Variants in TSHZ2 observed in about 807,000 individuals in gnomAD.
The protein encoded by TSHZ2 is teashirt homolog 2.
A neutral mutation model predicts 74.4 loss-of-function variants in TSHZ2; 21 were observed. The ratio of observed to expected loss-of-function variants is 0.28; its 90% CI spans 0.20 to 0.41. The LOEUF (loss-of-function observed/expected upper bound fraction) is 0.41. TSHZ2 is among the 10% of genes least tolerant of loss of function. The pLI, the probability that TSHZ2 is intolerant of heterozygous loss-of-function variation, is 1.00. For missense variants in TSHZ2, 1,244 were observed against 1,293.5 expected (o/e 0.96, Z 0.59); for synonymous variants, 540 against 515.3 (o/e 1.05, Z -0.65).
In TSHZ2 at chr20:52,975,143, A is replaced by G. The variant is rs551642044; in HGVS notation, c.40+1810A>G. ...GCCTGCTGCATCTAGTTCTGGCAAC[A>G]TAAGTTTAAGTGTAGCTACATTATT... On this transcript the variant is annotated intron_variant, in intron 1 of 2. Transcript: ENST00000371497. 1.9e-4 allele frequency among the ~76,000 whole-genome samples: 29 copies of G among 152,302 alleles called. 1 individual carries two copies. The highest frequency in any genetic ancestry group is 1.2e-3 in the South Asian group (6 of 4,814).
At chr20:53,433,603 A>ACACACACACACACACACT (rs1249339192) in intron 2 of TSHZ2, among the ~76,000 whole-genome samples, 1 of 151,204 alleles carries the variant, frequency 6.6e-6, no homozygotes, top group Non-Finnish European at 1.5e-5. Context: ...ACACACACAC[A>ACACACACACACACACACT]CACACACACA....
chr20:53,057,340 A>G (rs1253297816), intron 1 of TSHZ2, among the ~76,000 whole-genome samples: 1 of 152,208 alleles, frequency 6.6e-6, no homozygotes, highest in Non-Finnish European at 1.5e-5. Flanking sequence ...CCGAACTTGA[A>G]TCTGCAGTAC....
intron 2 of TSHZ2, among the ~76,000 whole-genome samples, chr20:53,309,337 C>T (rs1318117941): frequency 1.3e-5 from 2 of 152,138 alleles, no homozygotes; most frequent in Non-Finnish European, 2.9e-5. Context: ...TGTTTCTGCC[C>T]TCCCACCCCA....
chr20:53,080,871 G>C (rs1985513480), intron 1 of TSHZ2, among the ~76,000 whole-genome samples: 1 of 152,156 alleles, frequency 6.6e-6, no homozygotes, highest in South Asian at 2.1e-4. Context: ...CCAGCTATGA[G>C]TTTGGGATTG....
chr20:53,236,069 A>G (rs1383835137), intron 1 of TSHZ2, among the ~76,000 whole-genome samples: 1 of 152,170 alleles, frequency 6.6e-6, no homozygotes, highest in East Asian at 1.9e-4. Context: ...AAAGCAGTCA[A>G]TTCATAAAAG....
intron 1 of TSHZ2, among the ~76,000 whole-genome samples, chr20:53,118,150 G>C (rs1041169159): frequency 6.6e-6 from 1 of 152,230 alleles, no homozygotes; most frequent in African/African-American, 2.4e-5. Context: ...AAAGGAGCCA[G>C]ATGCCTCTGC....
intron 1 of TSHZ2, among the ~76,000 whole-genome samples, chr20:53,182,827 CTA>C (rs1988514643): frequency 6.6e-6 from 1 of 152,174 alleles, no homozygotes. Flanking sequence ...GGGATACAGC[CTA>C]TGTGTGTTCA....
intron 1 of TSHZ2, among the ~76,000 whole-genome samples, chr20:53,228,807 G>C (rs918845520): frequency 6.6e-6 from 1 of 152,174 alleles, no homozygotes; most frequent in African/African-American, 2.4e-5. Flanking sequence ...ATTGTCTCCA[G>C]ACTTTGTCAC....
intron 2 of TSHZ2, among the ~76,000 whole-genome samples, chr20:53,459,363 G>A (rs1475605531): frequency 6.6e-6 from 1 of 152,058 alleles, no homozygotes; most frequent in Admixed American, 6.5e-5. Context: ...TGTTTTATCA[G>A]AGACCAGGAT....
chr20:53,248,583 T>C (rs931359670), intron 1 of TSHZ2, among the ~76,000 whole-genome samples: 1 of 152,224 alleles, frequency 6.6e-6, no homozygotes, highest in African/African-American at 2.4e-5. Context: ...ATGTTGTTTA[T>C]AGTAGACCAG....
intron 1 of TSHZ2, among the ~76,000 whole-genome samples, chr20:53,202,640 C>T (rs1381714340): frequency 1.3e-5 from 2 of 152,114 alleles, no homozygotes; most frequent in African/African-American, 4.8e-5. Flanking sequence ...TGCAAATCAC[C>T]GTAGCATAGG....
At chr20:53,326,314 T>G (rs753634182) in intron 2 of TSHZ2, among the ~76,000 whole-genome samples, 3 of 152,186 alleles carry the variant, frequency 2.0e-5, no homozygotes, top group Non-Finnish European at 4.4e-5. Context: ...CAAAGGAACT[T>G]GGAGTGCTGA....
At chr20:53,130,245 G>GAAAGA (rs374311292) in intron 1 of TSHZ2, among the ~76,000 whole-genome samples, 45 of 125,752 alleles carry the variant, frequency 3.6e-4, no homozygotes, top group African/African-American at 9.2e-4. Context: ...AAAAAAAATA[G>GAAAGA]AAAGAAAAGA....
intron 2 of TSHZ2, among the ~76,000 whole-genome samples, chr20:53,284,466 AATG>A (rs960169538): frequency 6.6e-6 from 1 of 152,130 alleles, no homozygotes; most frequent in African/African-American, 2.4e-5. Flanking sequence ...CATGTTATCA[AATG>A]ATGATAAGTG....
At chr20:53,179,237 A>G (rs1406118771) in intron 1 of TSHZ2, 1 of 152,170 alleles carries the variant, frequency 6.6e-6, no homozygotes, top group Non-Finnish European at 1.5e-5. Context: ...AATTCTTCCA[A>G]ATTGACCCAC....
At chr20:53,062,191 C>T (rs2040100261) in intron 1 of TSHZ2, among the ~76,000 whole-genome samples, 1 of 152,166 alleles carries the variant, frequency 6.6e-6, no homozygotes, top group African/African-American at 2.4e-5. Context: ...TTTGTCATCT[C>T]ATCTGTAAAA....
At chr20:53,072,587 G>A (rs1226428311) in intron 1 of TSHZ2, among the ~76,000 whole-genome samples, 2 of 152,116 alleles carry the variant, frequency 1.3e-5, no homozygotes, top group Non-Finnish European at 2.9e-5. Context: ...CTATTTGTAA[G>A]AGCCCATAAA....
Position 53,007,607 on chromosome 20 carries a change from T to TTG in TSHZ2, c.40+34291_40+34292dup, listed in dbSNP as rs146865975. 5.1e-3 allele frequency among the ~76,000 whole-genome samples: 771 copies of TTG among 150,010 alleles called. 4 individuals carry two copies. Among genetic ancestry groups the TTG allele is most frequent in the African/African-American group, 0.016 (650 of 40,926 alleles). ...AGTCATCCAAGAAAGAAATGTGTGT[T>TTG]TGTGTGTGTGTGTGTGTGAGTATGT... is the stretch of plus-strand genomic sequence containing the variant. On this transcript the variant is annotated intron_variant, in intron 1 of 2. Transcript: ENST00000371497.
intron 1 of TSHZ2, among the ~76,000 whole-genome samples, chr20:53,173,270 T>C (rs1408880702): frequency 6.6e-6 from 1 of 152,172 alleles, no homozygotes. Flanking sequence ...CCAAATAAAC[T>C]ATATCCTATC....
Sources: gnomAD v4.1 joint callset for allele counts (sites outside exome capture counted in the v4.1 genomes callset) on GRCh38, gnomAD v4.1.1 for gene constraint, MANE v1.5 for transcripts, NCBI Gene and HGNC (gene_info 2026-07-23, HGNC 2026-07-21) for gene names.